KCNIP4: variants seen among roughly 807,000 people sequenced by gnomAD.
KCNIP4 encodes Kv channel-interacting protein 4.
In KCNIP4, 12 loss-of-function variants were observed where a neutral mutation model predicts 34.0. The ratio of observed to expected loss-of-function variants is 0.35; its 90% CI spans 0.23 to 0.57. The LOEUF (loss-of-function observed/expected upper bound fraction) is 0.57. Among genes scored for constraint, KCNIP4 ranks in the 20% least tolerant of loss-of-function variants. The pLI is 0.83. For missense variants in KCNIP4, 238 were observed against 311.7 expected (o/e 0.76, Z 1.78); for synonymous variants, 124 against 102.2 (o/e 1.21, Z -1.29).
At chr4:21,519,706 G>A (rs1480239739) in intron 1 of KCNIP4, among the ~76,000 whole-genome samples, 1 of 138,270 alleles carries the variant, frequency 7.2e-6, no homozygotes, top group Admixed American at 7.1e-5. Context: ...GTGTGTGTAT[G>A]TATGTGTATA....
rs538850891 is a variant in KCNIP4, at chr4:21,088,141, C to T, written c.62-205432G>A. On this transcript the variant is annotated intron_variant, in intron 1 of 8. Coordinates refer to ENST00000382152, the MANE Select transcript of KCNIP4 (RefSeq NM_025221.6). ...TGTTGGCCCCCTTCAAGACTCTCAA[C>T]CAAGAAATTGCACCATAATTTACCT... Among the ~76,000 whole-genome samples, 562 of 151,834 alleles carry T rather than the reference C, an allele frequency of 3.7e-3. 2 individuals carry two copies. Among genetic ancestry groups the T allele is most frequent in the Non-Finnish European group, 5.8e-3 (394 of 67,864 alleles).
chr4:21,197,985 C>A (rs1214352829), intron 1 of KCNIP4, among the ~76,000 whole-genome samples: 1 of 152,092 alleles, frequency 6.6e-6, no homozygotes, highest in Non-Finnish European at 1.5e-5. Context: ...TGAGGGGCAA[C>A]AATATTCTTG....
At chr4:21,694,627 A>T (rs1315953970) in intron 1 of KCNIP4, among the ~76,000 whole-genome samples, 4 of 152,066 alleles carry the variant, frequency 2.6e-5, no homozygotes, top group Non-Finnish European at 2.9e-5. Flanking sequence ...AAATCAAATT[A>T]AATTTTTAAT....
intron 1 of KCNIP4, among the ~76,000 whole-genome samples, chr4:21,474,873 C>A (rs970481617): frequency 6.6e-6 from 1 of 151,326 alleles, no homozygotes; most frequent in Non-Finnish European, 1.5e-5. Context: ...TGGTAGCAGG[C>A]GCCTGTAATA....
intron 1 of KCNIP4, among the ~76,000 whole-genome samples, chr4:21,682,445 G>A (rs1032457769): frequency 2.0e-5 from 3 of 152,024 alleles, no homozygotes; most frequent in African/African-American, 2.4e-5. Flanking sequence ...TCTTTTACCC[G>A]GACCACTAAA....
At chr4:21,147,962 A>AAAAAAAAAAG (rs1553945858) in intron 1 of KCNIP4, among the ~76,000 whole-genome samples, 175 of 123,736 alleles carry the variant, frequency 1.4e-3, no homozygotes, top group Middle Eastern at 4.1e-3. Flanking sequence ...AAAAAAAAAG[A>AAAAAAAAAAG]AAAAAAGTTC....
At chr4:20,886,733 G>A (rs1725355284) in intron 1 of KCNIP4, among the ~76,000 whole-genome samples, 1 of 152,180 alleles carries the variant, frequency 6.6e-6, no homozygotes, top group Non-Finnish European at 1.5e-5. Context: ...TGAGGTAATA[G>A]CCAAAGTTGA....
chr4:21,444,474 C>A (rs187994374), intron 1 of KCNIP4, among the ~76,000 whole-genome samples: 1 of 152,116 alleles, frequency 6.6e-6, no homozygotes, highest in African/African-American at 2.4e-5. Context: ...GTTCAACATA[C>A]GCAAATCAGT....
intron 3 of KCNIP4, among the ~76,000 whole-genome samples, chr4:20,779,609 C>CA (rs1206660998): frequency 7.1e-5 from 3 of 42,516 alleles, no homozygotes; most frequent in South Asian, 1.2e-3. Context: ...GAAATGAAAA[C>CA]AAAAAAAATT....
chr4:21,716,571 A>C (rs1018087389), intron 1 of KCNIP4, among the ~76,000 whole-genome samples: 11 of 152,174 alleles, frequency 7.2e-5, no homozygotes, highest in African/African-American at 2.7e-4. Flanking sequence ...GAAGAGGCAG[A>C]AACGGCTAGT....
At chr4:21,425,829 C>A (rs898982154) in intron 1 of KCNIP4, among the ~76,000 whole-genome samples, 1 of 152,090 alleles carries the variant, frequency 6.6e-6, no homozygotes, top group African/African-American at 2.4e-5. Flanking sequence ...GCAGTCAGAT[C>A]GCTTAAGCCC....
At chr4:20,947,740 G>A (rs538421230) in intron 1 of KCNIP4, among the ~76,000 whole-genome samples, 6 of 152,314 alleles carry the variant, frequency 3.9e-5, no homozygotes, top group South Asian at 4.1e-4. Flanking sequence ...CAACACTGAC[G>A]TTGAAATTGT....
At chr4:21,122,371 T>C (rs1418584617) in intron 1 of KCNIP4, among the ~76,000 whole-genome samples, 1 of 147,942 alleles carries the variant, frequency 6.8e-6, no homozygotes, top group Non-Finnish European at 1.5e-5. Context: ...CCCCCAGTTA[T>C]TCAGGGTTAA....
intron 2 of KCNIP4, among the ~76,000 whole-genome samples, chr4:20,876,003 T>A (rs1193484464): frequency 1.3e-5 from 2 of 152,204 alleles, no homozygotes; most frequent in East Asian, 3.9e-4. Context: ...ATGAGTGGTC[T>A]AGTCTCACCA....
chr4:21,724,374 A>T (rs1715040279), intron 1 of KCNIP4, among the ~76,000 whole-genome samples: 1 of 152,098 alleles, frequency 6.6e-6, no homozygotes, highest in African/African-American at 2.4e-5. Flanking sequence ...TATTGTGGGA[A>T]AAAAGTTACA....
intron 1 of KCNIP4, among the ~76,000 whole-genome samples, chr4:21,430,010 A>T (rs1416199583): frequency 6.6e-6 from 1 of 152,028 alleles, no homozygotes; most frequent in South Asian, 2.1e-4. Flanking sequence ...TTATAAAATC[A>T]TCATTTTTGA....
intron 1 of KCNIP4, among the ~76,000 whole-genome samples, chr4:21,299,974 A>G (rs1487472381): frequency 6.6e-6 from 1 of 152,182 alleles, no homozygotes; most frequent in Non-Finnish European, 1.5e-5. Flanking sequence ...TACCCTAAGA[A>G]GGACTTAGAT....
At chr4:21,788,203 A>C (rs1303594415) in intron 1 of KCNIP4, among the ~76,000 whole-genome samples, 1 of 152,198 alleles carries the variant, frequency 6.6e-6, no homozygotes, top group African/African-American at 2.4e-5. Flanking sequence ...ATTTCATATA[A>C]ACTCAAGAGC....
At chr4:21,390,576 T>C (rs1463052461) in intron 1 of KCNIP4, among the ~76,000 whole-genome samples, 4 of 152,220 alleles carry the variant, frequency 2.6e-5, no homozygotes, top group African/African-American at 9.6e-5. Context: ...TCCCCATTTC[T>C]TGTTTTTGTC....
Sources: gnomAD v4.1 joint callset for allele counts (sites outside exome capture counted in the v4.1 genomes callset) on GRCh38, gnomAD v4.1.1 for gene constraint, MANE v1.5 for transcripts, NCBI Gene and HGNC (gene_info 2026-07-23, HGNC 2026-07-21) for gene names.